The following WNT2B variants were observed in gnomAD, a reference collection of about 807,000 sequenced individuals.
WNT2B encodes Wnt family member 2B.
WNT2B carries 19 observed loss-of-function variants against 40.5 expected under a neutral mutation model. That is an observed-to-expected ratio of 0.47 (90% CI 0.33 to 0.69). The LOEUF (loss-of-function observed/expected upper bound fraction) is 0.69. WNT2B is among the 30% of genes least tolerant of loss of function. The pLI is 0.02. For missense variants in WNT2B, 467 were observed against 556.4 expected (o/e 0.84, Z 1.62); for synonymous variants, 220 against 211.9 (o/e 1.04, Z -0.33).
rs747836839 is a variant in WNT2B at position 112,509,341 on chromosome 1, C to T, written c.79C>T (p.Pro27Ser). The T allele has an allele frequency of 3.1e-6, 5 of 1,591,886 alleles. No homozygotes were observed. The highest frequency in any genetic ancestry group is 1.4e-5 in the African/African-American group (1 of 73,432). ...RASAPVPVPS[P>S]AAPDGSRASA... ...CAGCGCCCCGGTCCCTGTGCCGTCG[C>T]CCGCGGCCCCCGACGGCTCCCGGGC... Residue 27 changes from proline (P) to serine (S), a missense_variant, in exon 1 of 5, where the codon CCC becomes TCC. This residue lies in a region of WNT2B where 137 missense variants were observed against 117.7 expected (regional missense o/e 1.16). Transcript: ENST00000369684. The surrounding 1 kb of genome is among the most constrained non-coding windows in gnomAD (Gnocchi z 4.2).
At chr1:112,479,307 C>T (rs570094120) in intron 1 of WNT2B, among the ~76,000 whole-genome samples, 1 of 151,940 alleles carries the variant, frequency 6.6e-6, no homozygotes, top group Non-Finnish European at 1.5e-5. Context: ...GGCGTGGGGG[C>T]TCATGCCTAT....
rs1653285078 is a variant in WNT2B, at chr1:112,525,776, T to A, written c.*5267T>A. The A allele has an allele frequency of 1.2e-5, 6 of 484,386 alleles. No homozygotes were observed. The highest frequency in any genetic ancestry group is 2.1e-5 in the Non-Finnish European group (6 of 285,776). The allele number at this position is 484,386 out of a possible 1,614,324, so 30.0% of individuals were successfully genotyped here. A position where few individuals can be genotyped will look rare whatever the true frequency, so the allele number is the denominator to read the frequency against. On this transcript the variant is annotated 3_prime_UTR_variant, in exon 5 of 5. Coordinates refer to ENST00000369684, the MANE Select transcript of WNT2B (RefSeq NM_024494.3). ...AGTAGCCCTGGCCAAACAGAAAGGC[T>A]AAGCTGAATGAAGAAAAAAGGAAGA...
At chr1:112,496,665 A>C (rs1651782387) in intron 1 of WNT2B, among the ~76,000 whole-genome samples, 1 of 150,732 alleles carries the variant, frequency 6.6e-6, no homozygotes, top group South Asian at 2.1e-4. Context: ...CAATGGTATG[A>C]TCTTGGCTCA....
chr1:112,508,927 T>A (rs1277515997), upstream of WNT2B: 1 of 1,130,142 alleles, frequency 8.8e-7, no homozygotes, highest in Non-Finnish European at 1.1e-6. This position sits in a 1 kb window ranked among gnomAD's most constrained non-coding sequence, Gnocchi z 4.2. Context: ...CCCCGCCCCG[T>A]CCCGTCCAAT....
rs1652260370 is a variant in WNT2B, at chr1:112,509,380, G to C, written c.118G>C (p.Gly40Arg). The change falls in exon 1 of 5, where the codon GGT becomes CGT. Residue 40 changes from glycine (G) to arginine (R), a missense_variant. Transcript: ENST00000369684. This position sits in a 1 kb window ranked among gnomAD's most constrained non-coding sequence, Gnocchi z 4.2. ...CGGCTCCCGGGCTTCGGCCCGCCTAGGTCTTGCCTGCCTTCTGCTCCTGCT... is the reference window on the plus strand; with the variant it reads ...CGGCTCCCGGGCTTCGGCCCGCCTACGTCTTGCCTGCCTTCTGCTCCTGCT... ...PDGSRASARL[G>R]LACLLLLLLL... 1 of 1,596,664 alleles carries C rather than the reference G, an allele frequency of 6.3e-7. No homozygotes were observed. Among genetic ancestry groups the C allele is most frequent in the Non-Finnish European group, 8.5e-7 (1 of 1,177,416 alleles).
chr1:112,474,379 A>C (rs946275465), intron 1 of WNT2B, among the ~76,000 whole-genome samples: 5 of 151,980 alleles, frequency 3.3e-5, no homozygotes, highest in African/African-American at 1.2e-4. Context: ...CAATCTCCTG[A>C]CCTCGTGATC....
chr1:112,504,132 C>A (rs1269503455), upstream of WNT2B, among the ~76,000 whole-genome samples: 1 of 152,162 alleles, frequency 6.6e-6, no homozygotes, highest in African/African-American at 2.4e-5. Flanking sequence ...ATCCCAGCAG[C>A]ACACCCACTG....
rs915835571 is a variant in WNT2B at position 112,489,373 on chromosome 1, A to T, written c.-95+21782A>T. Among the ~76,000 whole-genome samples, 5 of 152,196 alleles carry T rather than the reference A, an allele frequency of 3.3e-5. No homozygotes were observed. The East Asian group carries it at 9.6e-4, about 29-fold the overall frequency. Reference sequence around the variant, plus strand: ...CAGGAGTTCAAGACCAGCATGGCCAACATGGTGAAAGCCCATCTCTACTAA... The same window carrying T: ...CAGGAGTTCAAGACCAGCATGGCCATCATGGTGAAAGCCCATCTCTACTAA... On this transcript the variant is annotated intron_variant, in intron 1 of 4. Coordinates refer to the WNT2B transcript ENST00000256640.
chr1:112,514,589 A>T (rs1652461767), intron 1 of WNT2B, among the ~76,000 whole-genome samples: 1 of 152,164 alleles, frequency 6.6e-6, no homozygotes, highest in Non-Finnish European at 1.5e-5. Context: ...TGTGTATGTG[A>T]CACATGCCTA....
chr1:112,491,060 C>T (rs761031689), intron 1 of WNT2B: 1 of 1,614,036 alleles, frequency 6.2e-7, no homozygotes, highest in Non-Finnish European at 8.5e-7. Context: ...ACACAGTCAG[C>T]GTTCAACAAG....
chr1:112,509,242 G>T lies in WNT2B; in HGVS notation c.-21G>T. On this transcript the variant is annotated 5_prime_UTR_variant, in exon 1 of 5. Coordinates refer to ENST00000369684, the MANE Select transcript of WNT2B (RefSeq NM_024494.3). The surrounding 1 kb of genome is among the most constrained non-coding windows in gnomAD (Gnocchi z 4.2). Reference sequence around the variant, plus strand: ...CCGTCCACGCCCCTCCGGGCTGCGCGGCGGGAGTCTTCGGGGAGCTATGCT... The same window carrying T: ...CCGTCCACGCCCCTCCGGGCTGCGCTGCGGGAGTCTTCGGGGAGCTATGCT... 1.3e-6 allele frequency: 2 copies of T among 1,502,524 alleles called. No homozygotes were observed. Among genetic ancestry groups the T allele is most frequent in the South Asian group, 1.3e-5 (1 of 79,388 alleles). 93.1% of individuals were successfully genotyped at this position (1,502,524 alleles called of 1,614,324 possible). A position where few individuals can be genotyped will look rare whatever the true frequency, so the allele number is the denominator to read the frequency against.
chr1:112,483,519 A>C (rs990114853), intron 1 of WNT2B, among the ~76,000 whole-genome samples: 1 of 151,924 alleles, frequency 6.6e-6, no homozygotes, highest in Non-Finnish European at 1.5e-5. Context: ...AAACCATAAA[A>C]CTCCTAGAAG....
Position 112,516,322 on chromosome 1 carries a change from G to A in WNT2B, c.586G>A (p.Val196Ile). Residue 196 changes from valine (V) to isoleucine (I), a missense_variant, in exon 3 of 5, where the codon GTC becomes ATC. Physicochemically the swap from Val to Ile is conservative, Grantham distance 29 (BLOSUM62 3). Around this residue, in one of 2 missense-constraint regions of WNT2B, gnomAD observed 330 missense variants for 438.6 expected, o/e 0.75. Coordinates refer to ENST00000369684, the MANE Select transcript of WNT2B (RefSeq NM_024494.3). ...CTGCAGTGACAACATCCACTACGGT[G>A]TCCGTTTTGCCAAGGCCTTCGTGGA... The part of the protein sequence containing the change: ...GGCSDNIHYG[V>I]RFAKAFVDAK... The A allele has an allele frequency of 2.5e-6, 4 of 1,614,098 alleles. No individual in the cohort carries two copies. The highest frequency in any genetic ancestry group is 3.4e-6 in the Non-Finnish European group (4 of 1,180,028).
chr1:112,496,399 C>T (rs1330747622), intron 1 of WNT2B, among the ~76,000 whole-genome samples: 3 of 152,134 alleles, frequency 2.0e-5, no homozygotes, highest in Non-Finnish European at 4.4e-5. Context: ...ATCCCAACAG[C>T]CCCCAAAGTC....
intron 1 of WNT2B, among the ~76,000 whole-genome samples, chr1:112,495,201 G>C (rs1036294389): frequency 3.3e-5 from 5 of 151,268 alleles, no homozygotes; most frequent in Admixed American, 6.6e-5. Context: ...AACCACAAAA[G>C]GCAGATAAAA....
rs1653355637 is a variant in WNT2B, at chr1:112,526,227, T to A, written c.*5718T>A. ...ACAGCCTAGGCCCTCCTGAACCTTA[T>A]CAACCAATGGCTCTTTTGCCATTTC... is the stretch of plus-strand genomic sequence containing the variant. On this transcript the variant is annotated 3_prime_UTR_variant, in exon 5 of 5. Coordinates refer to ENST00000369684, the MANE Select transcript of WNT2B (RefSeq NM_024494.3). The A allele has an allele frequency of 2.1e-6, 3 of 1,417,366 alleles. No individual in the cohort carries two copies. In the East Asian group the frequency reaches 6.9e-5, roughly 33 times the overall value. 87.8% of individuals were successfully genotyped at this position (1,417,366 alleles called of 1,614,324 possible). A position where few individuals can be genotyped will look rare whatever the true frequency, so the allele number is the denominator to read the frequency against.
In WNT2B at chr1:112,509,328, C is replaced by T. The variant is rs757533553; in HGVS notation, c.66C>T (p.Val22=). The T allele has an allele frequency of 5.0e-6, 8 of 1,587,050 alleles. No individual in the cohort carries two copies. Among genetic ancestry groups the T allele is most frequent in the Non-Finnish European group, 6.8e-6 (8 of 1,173,302 alleles). The change falls in exon 1 of 5, where the codon GTC becomes GTT. Residue 22 remains valine (V), a synonymous_variant. Transcript: ENST00000369684. This position sits in a 1 kb window ranked among gnomAD's most constrained non-coding sequence, Gnocchi z 4.2. ...CGCTTCGGCGCGCCAGCGCCCCGGT[C>T]CCTGTGCCGTCGCCCGCGGCCCCCG... is the stretch of plus-strand genomic sequence containing the variant. ...QLPLRRASAP[V]PVPSPAAPDG...
rs1006370682 is a variant in WNT2B, at chr1:112,524,919, G to A, written c.*4410G>A. ...ACCAATAGGGTCTGGCTTTAATCAAGGAATATCTACAAAGTCACATTACCA... is the reference window on the plus strand; with the variant it reads ...ACCAATAGGGTCTGGCTTTAATCAAAGAATATCTACAAAGTCACATTACCA... On this transcript the variant is annotated 3_prime_UTR_variant, in exon 5 of 5. Coordinates refer to ENST00000369684, the MANE Select transcript of WNT2B (RefSeq NM_024494.3). 6.6e-6 allele frequency: 1 copy of A among 152,134 alleles called. No individual in the cohort carries two copies. Among genetic ancestry groups the A allele is most frequent in the Non-Finnish European group, 1.5e-5 (1 of 68,038 alleles). The allele number at this position is 152,134 out of a possible 1,614,324, so 9.4% of individuals were successfully genotyped here.
chr1:112,486,315 T>C (rs1398528674), intron 1 of WNT2B, among the ~76,000 whole-genome samples: 1 of 152,082 alleles, frequency 6.6e-6, no homozygotes, highest in Non-Finnish European at 1.5e-5. Context: ...TGGTGTTAAG[T>C]GCCTGTAGTC....
Sources: gnomAD v4.1 joint callset for allele counts (sites outside exome capture counted in the v4.1 genomes callset) on GRCh38, gnomAD v4.1.1 for gene constraint, gnomAD v4.1.1 regional missense constraint, Gnocchi (gnomAD v3.1) non-coding constraint, MANE v1.5 for transcripts, NCBI Gene and HGNC (gene_info 2026-07-23, HGNC 2026-07-21) for gene names.